SOBP: variants seen among roughly 807,000 people sequenced by gnomAD.
SOBP encodes the protein sine oculis-binding protein homolog.
A neutral mutation model predicts 53.6 loss-of-function variants in SOBP; 4 were observed. The observed-to-expected ratio is 0.07, with a 90% confidence interval of 0.04 to 0.17. The LOEUF (loss-of-function observed/expected upper bound fraction) is 0.17. Among genes scored for constraint, SOBP ranks in the 10% least tolerant of loss-of-function variants. The pLI, the probability that SOBP is intolerant of heterozygous loss-of-function variation, is 1.00. For synonymous variants in SOBP, 584 were observed against 522.6 expected (o/e 1.12, Z -1.60); for missense variants, 1,088 against 1,204.7 (o/e 0.90, Z 1.43).
intron 3 of SOBP, chr6:107,514,269 G>A (rs959512810): frequency 6.6e-6 from 1 of 152,148 alleles, no homozygotes; most frequent in Non-Finnish European, 1.5e-5. Context: ...AGTTGCATAT[G>A]GAAGGTGCAT....
In SOBP at chr6:107,542,960, G is replaced by A. The variant is rs530996572; in HGVS notation, c.573+9350G>A. Among the ~76,000 whole-genome samples, 6 of 152,174 alleles carry A rather than the reference G, an allele frequency of 3.9e-5. No individual in the cohort carries two copies. The South Asian group carries it at 1.2e-3, about 32-fold the overall frequency. The stretch of plus-strand genomic sequence containing the variant: ...TCTGAGAGACCTACAGCATCCACGG[G>A]CCTTCTCAAGCTCTAGCCTTAGAGG... On this transcript the variant is annotated intron_variant, in intron 4 of 6. Transcript: ENST00000317357.
intron 4 of SOBP, among the ~76,000 whole-genome samples, chr6:107,546,574 CAT>C (rs916891388): frequency 1.3e-5 from 2 of 152,166 alleles, no homozygotes; most frequent in African/African-American, 4.8e-5. Flanking sequence ...CGCCTGCACT[CAT>C]GTGCACACAG....
intron 6 of SOBP, among the ~76,000 whole-genome samples, chr6:107,647,185 C>T (rs1340820112): frequency 6.6e-6 from 1 of 152,186 alleles, no homozygotes; most frequent in African/African-American, 2.4e-5. Context: ...TTATTGAACA[C>T]TTTCTACATG....
intron 6 of SOBP, among the ~76,000 whole-genome samples, chr6:107,637,118 A>G (rs1443074787): frequency 6.6e-6 from 1 of 152,176 alleles, no homozygotes; most frequent in Non-Finnish European, 1.5e-5. Flanking sequence ...AACAAACAAA[A>G]ACTGAGTCTA....
intron 5 of SOBP, 55 bp from the exon 6 acceptor site, chr6:107,633,455 CATCT>C: frequency 6.2e-7 from 1 of 1,606,396 alleles, no homozygotes. Flanking sequence ...CACGAAACGT[CATCT>C]ACCCAGGTAA....
At chr6:107,538,075 A>G (rs1051182101) in intron 4 of SOBP, among the ~76,000 whole-genome samples, 2 of 152,194 alleles carry the variant, frequency 1.3e-5, no homozygotes, top group East Asian at 1.9e-4. Context: ...CTTTCAGACT[A>G]TATTCTTGGT....
chr6:107,503,964 T>C (rs557453713), intron 2 of SOBP, among the ~76,000 whole-genome samples, 169 bp downstream of exon 2: 1 of 152,342 alleles, frequency 6.6e-6, no homozygotes, highest in Admixed American at 6.5e-5. Context: ...TTCTGCAGAA[T>C]ATAAAAGAAC....
At chr6:107,583,553 T>A (rs956587982) in intron 4 of SOBP, among the ~76,000 whole-genome samples, 2 of 152,062 alleles carry the variant, frequency 1.3e-5, no homozygotes, top group Non-Finnish European at 2.9e-5. Context: ...TGAGACAGAG[T>A]CTTGCTCTGT....
At chr6:107,524,711 G>A (rs191318070) in intron 3 of SOBP, among the ~76,000 whole-genome samples, 24 of 152,326 alleles carry the variant, frequency 1.6e-4, no homozygotes, top group African/African-American at 3.6e-4. Context: ...TTTCTGCCCA[G>A]TGCAGGCAAA....
chr6:107,494,672 A>G (rs560393402), intron 1 of SOBP, among the ~76,000 whole-genome samples: 24 of 152,362 alleles, frequency 1.6e-4, no homozygotes, highest in African/African-American at 5.8e-4. Flanking sequence ...TTGCTAAACT[A>G]CAGGAGAATC....
At chr6:107,514,392 G>T (rs1783257500) in intron 3 of SOBP, 2 of 152,102 alleles carry the variant, frequency 1.3e-5, no homozygotes, top group African/African-American at 4.8e-5. Flanking sequence ...CTTAATATAG[G>T]CTAGAAGATA....
intron 4 of SOBP, among the ~76,000 whole-genome samples, chr6:107,540,273 A>G (rs912350817): frequency 1.3e-5 from 2 of 152,234 alleles, no homozygotes; most frequent in East Asian, 1.9e-4. Context: ...CTCCATTTCA[A>G]TACCTCTGGA....
chr6:107,605,057 C>T (rs78009891), intron 5 of SOBP, among the ~76,000 whole-genome samples: 9 of 152,304 alleles, frequency 5.9e-5, no homozygotes, highest in East Asian at 3.9e-4. Context: ...CCTCCTCCCC[C>T]CTCCACTCTG....
intron 4 of SOBP, 133 bp downstream of exon 4, chr6:107,533,743 TC>T: frequency 8.7e-7 from 1 of 1,149,830 alleles, no homozygotes; most frequent in Non-Finnish European, 1.2e-6. Flanking sequence ...TTTTGTTGAT[TC>T]CCCTTTTGTG....
chr6:107,579,657 A>G (rs1470030173), intron 4 of SOBP, among the ~76,000 whole-genome samples: 1 of 152,186 alleles, frequency 6.6e-6, no homozygotes, highest in East Asian at 1.9e-4. Flanking sequence ...ATAGCCTCAC[A>G]TGCGTGCGGC....
At chr6:107,655,722 G>A (rs766451837) in intron 6 of SOBP, among the ~76,000 whole-genome samples, 1 of 152,126 alleles carries the variant, frequency 6.6e-6, no homozygotes, top group Non-Finnish European at 1.5e-5. Context: ...TGTAGTTAAG[G>A]TTCCAGAATG....
At chr6:107,498,103 A>C (rs1421252173) in intron 1 of SOBP, among the ~76,000 whole-genome samples, 1 of 152,216 alleles carries the variant, frequency 6.6e-6, no homozygotes, top group East Asian at 1.9e-4. Flanking sequence ...GACTGGATTA[A>C]GTGCTAAGCA....
intron 6 of SOBP, among the ~76,000 whole-genome samples, chr6:107,653,938 G>A (rs1239024466): frequency 6.6e-6 from 1 of 152,202 alleles, no homozygotes; most frequent in East Asian, 1.9e-4. Context: ...TTGAGAGAAT[G>A]TATTTAGACA....
intron 6 of SOBP, among the ~76,000 whole-genome samples, chr6:107,645,923 G>A (rs1275099586): frequency 6.6e-6 from 1 of 152,190 alleles, no homozygotes; most frequent in African/African-American, 2.4e-5. Flanking sequence ...TGGAACAAAG[G>A]GCTTGACCAC....
Sources: gnomAD v4.1 joint callset for allele counts (sites outside exome capture counted in the v4.1 genomes callset) on GRCh38, gnomAD v4.1.1 for gene constraint, MANE v1.5 for transcripts, NCBI Gene and HGNC (gene_info 2026-07-23, HGNC 2026-07-21) for gene names.